Variants in SLC12A8 observed in about 807,000 individuals in gnomAD.
SLC12A8 encodes the protein solute carrier family 12 member 8.
In SLC12A8, 69 loss-of-function variants were observed where a neutral mutation model predicts 75.6. That is an observed-to-expected ratio of 0.91 (90% CI 0.75 to 1.11). The LOEUF (loss-of-function observed/expected upper bound fraction) is 1.11. Among genes scored for constraint, SLC12A8 ranks in the 50% most tolerant of loss-of-function variants. The pLI is 0.00. For missense variants in SLC12A8, 877 were observed against 896.7 expected, an observed-to-expected ratio of 0.98 and a Z score of 0.28; for synonymous variants, 365 against 372.8, an observed-to-expected ratio of 0.98 and a Z score of 0.24.
chr3:125,186,328 G>A (rs1167491930), intron 4 of SLC12A8, among the ~76,000 whole-genome samples: 1 of 152,022 alleles, frequency 6.6e-6, no homozygotes, highest in Non-Finnish European at 1.5e-5. Flanking sequence ...ACACACACAG[G>A]CACCCCCACC....
At chr3:125,136,987 A>G (rs756675441) in intron 5 of SLC12A8, among the ~76,000 whole-genome samples, 9 of 152,162 alleles carry the variant, frequency 5.9e-5, no homozygotes, top group Non-Finnish European at 1.3e-4. Context: ...AGAGAAGCCA[A>G]TCCCTGCTCC....
At chr3:125,112,694 A>G (rs1939218033) in intron 8 of SLC12A8, among the ~76,000 whole-genome samples, 1 of 152,222 alleles carries the variant, frequency 6.6e-6, no homozygotes, top group Non-Finnish European at 1.5e-5. Flanking sequence ...CGTCTTCTCT[A>G]CCAAATGCAG....
chr3:125,111,173 G>A (rs1579477302), intron 8 of SLC12A8, among the ~76,000 whole-genome samples: 2 of 152,170 alleles, frequency 1.3e-5, no homozygotes. Flanking sequence ...CTTCATTTAA[G>A]CAGGCCTTCT....
chr3:125,095,012 G>T (rs1021025823), intron 10 of SLC12A8, among the ~76,000 whole-genome samples: 1 of 151,802 alleles, frequency 6.6e-6, no homozygotes, highest in Non-Finnish European at 1.5e-5. Context: ...TTGCTGGCTC[G>T]CCTCCTCCTT....
chr3:125,088,014 A>G (rs1167164797), intron 13 of SLC12A8: 25 of 402,142 alleles, frequency 6.2e-5, no homozygotes, highest in Non-Finnish European at 9.6e-5. Flanking sequence ...ACTCACTGAG[A>G]GTAGTGACTT....
At chr3:125,170,070 A>G (rs1233632941) in intron 5 of SLC12A8, among the ~76,000 whole-genome samples, 1 of 152,254 alleles carries the variant, frequency 6.6e-6, no homozygotes, top group Non-Finnish European at 1.5e-5. Flanking sequence ...TGATTCAAGA[A>G]AAGCAAATTA....
At chr3:125,098,363 C>T (rs1938769368) in intron 10 of SLC12A8, among the ~76,000 whole-genome samples, 1 of 152,168 alleles carries the variant, frequency 6.6e-6, no homozygotes, top group Non-Finnish European at 1.5e-5. Context: ...ATCTTGTACA[C>T]ATTTTTTGGT....
chr3:125,115,182 T>C (rs1277749716), intron 8 of SLC12A8, among the ~76,000 whole-genome samples: 1 of 152,160 alleles, frequency 6.6e-6, no homozygotes, highest in Non-Finnish European at 1.5e-5. Flanking sequence ...AGAACACACA[T>C]ACACCTGAGA....
chr3:125,127,802 T>A (rs983000712), intron 6 of SLC12A8, among the ~76,000 whole-genome samples: 1 of 152,258 alleles, frequency 6.6e-6, no homozygotes, highest in Non-Finnish European at 1.5e-5. Context: ...ACTGTTGATA[T>A]GTATAATTAT....
chr3:125,114,437 A>C (rs1220162209), intron 8 of SLC12A8, among the ~76,000 whole-genome samples: 1 of 152,094 alleles, frequency 6.6e-6, no homozygotes, highest in Non-Finnish European at 1.5e-5. Context: ...GGGGTTTTGT[A>C]TTTTTGAGAC....
intron 2 of SLC12A8, among the ~76,000 whole-genome samples, chr3:125,195,298 G>C (rs1312614675): frequency 6.6e-6 from 1 of 152,234 alleles, no homozygotes; most frequent in East Asian, 1.9e-4. Flanking sequence ...CTGAGTAAGA[G>C]AGAGCCCATC....
chr3:125,195,501 G>A (rs1195240358), intron 2 of SLC12A8, among the ~76,000 whole-genome samples: 1 of 152,184 alleles, frequency 6.6e-6, no homozygotes, highest in African/African-American at 2.4e-5. Context: ...TCCTAGAAAT[G>A]TGAGGTCTTC....
rs552050274 is a variant in SLC12A8 at position 125,163,444 on chromosome 3, A to G, written c.622+14299T>C. On this transcript the variant is annotated intron_variant, in intron 5 of 13. Transcript: ENST00000469902. ...AACACGGTGAAACCCCGTCTCTACT[A>G]AAAAAAAATAGAAAAAATTAGCCAG... Among the ~76,000 whole-genome samples the G allele has an allele frequency of 1.8e-4, 21 of 115,550 alleles. No individual in the cohort carries two copies. The East Asian group carries it at 4.6e-3, about 26-fold the overall frequency. The allele number at this position is 115,550 out of a possible 152,430, so 75.8% of individuals were successfully genotyped here. A position where few individuals can be genotyped will look rare whatever the true frequency, so the allele number is the denominator to read the frequency against.
At chr3:125,139,779 G>A (rs1291033695) in intron 5 of SLC12A8, among the ~76,000 whole-genome samples, 7 of 152,194 alleles carry the variant, frequency 4.6e-5, no homozygotes, top group African/African-American at 9.7e-5. Context: ...CATGCCCTCC[G>A]ACAGTGGCTC....
At chr3:125,172,306 C>G (rs1934420498) in intron 5 of SLC12A8, among the ~76,000 whole-genome samples, 1 of 148,904 alleles carries the variant, frequency 6.7e-6, no homozygotes, top group African/African-American at 2.6e-5. Flanking sequence ...TCTCTGTTCT[C>G]TCTCTCTCTC....
chr3:125,118,971 G>A (rs2107749667), intron 7 of SLC12A8, 115 bp from the exon 8 acceptor site: 1 of 689,314 alleles, frequency 1.5e-6, no homozygotes, highest in Non-Finnish European at 2.6e-6. Flanking sequence ...ATGAGAGAAA[G>A]GCCAGTCATG....
intron 2 of SLC12A8, among the ~76,000 whole-genome samples, chr3:125,195,199 C>T (rs1407656155): frequency 6.6e-6 from 1 of 152,250 alleles, no homozygotes; most frequent in Non-Finnish European, 1.5e-5. Context: ...CTTTCCCCAG[C>T]TAACTTGTCT....
intron 10 of SLC12A8, among the ~76,000 whole-genome samples, chr3:125,100,825 AACAAG>A (rs1212377343): frequency 6.8e-6 from 1 of 147,938 alleles, no homozygotes; most frequent in Non-Finnish European, 1.5e-5. Flanking sequence ...CATCCTGGCT[AACAAG>A]GTGAAACCCC....
chr3:125,130,913 C>A (rs1157504008), intron 6 of SLC12A8, among the ~76,000 whole-genome samples: 4 of 152,228 alleles, frequency 2.6e-5, no homozygotes, highest in Non-Finnish European at 4.4e-5. Flanking sequence ...ACATTCCCTG[C>A]ACAGTGTGAC....
Sources: gnomAD v4.1 joint callset for allele counts (sites outside exome capture counted in the v4.1 genomes callset) on GRCh38, gnomAD v4.1.1 for gene constraint, MANE v1.5 for transcripts, NCBI Gene and HGNC (gene_info 2026-07-23, HGNC 2026-07-21) for gene names.